Variants in SMOC1 observed in about 807,000 individuals in gnomAD.
SMOC1 encodes SPARC related modular calcium binding 1.
Under a neutral mutation model 56.3 loss-of-function variants are expected in SMOC1, and 22 were observed. That is an observed-to-expected ratio of 0.39 (90% CI 0.28 to 0.56). The LOEUF (loss-of-function observed/expected upper bound fraction) is 0.56, where lower values mean the gene tolerates loss of function less well. Among genes scored for constraint, SMOC1 ranks in the 20% least tolerant of loss-of-function variants. The pLI is 0.61. For missense variants in SMOC1, 509 were observed against 565.4 expected, an observed-to-expected ratio of 0.90 and a Z score of 1.01; for synonymous variants, 193 against 215.0, an observed-to-expected ratio of 0.90 and a Z score of 0.89.
At chr14:70,011,740 G>A (rs1478567389) in intron 9 of SMOC1, among the ~76,000 whole-genome samples, 173 bp downstream of exon 9, 1 of 152,202 alleles carries the variant, frequency 6.6e-6, no homozygotes, top group Non-Finnish European at 1.5e-5. Flanking sequence ...CTCTGCTCTT[G>A]TGCACATTGC....
At chr14:69,985,744 C>T (rs900459022) in intron 5 of SMOC1, among the ~76,000 whole-genome samples, 26 of 152,148 alleles carry the variant, frequency 1.7e-4, no homozygotes, top group Non-Finnish European at 2.9e-4. Context: ...TTGGGGCCAG[C>T]TCTGTTATCA....
At chr14:69,976,864 A>G (rs1883979192) in intron 4 of SMOC1, among the ~76,000 whole-genome samples, 1 of 152,222 alleles carries the variant, frequency 6.6e-6, no homozygotes, top group South Asian at 2.1e-4. Context: ...AGCTTTTTCT[A>G]CTTGCTCTGT....
chr14:69,936,278 G>T (rs1460997619), intron 1 of SMOC1, among the ~76,000 whole-genome samples: 2 of 152,190 alleles, frequency 1.3e-5, no homozygotes, highest in Admixed American at 1.3e-4. Flanking sequence ...CATCCCAACT[G>T]GTGAGATTCA....
chr14:69,960,000 A>T (rs1309293126), intron 3 of SMOC1, among the ~76,000 whole-genome samples: 1 of 151,820 alleles, frequency 6.6e-6, no homozygotes, highest in Non-Finnish European at 1.5e-5. Context: ...ACCCCTGTAG[A>T]CTCGAGTTGT....
At chr14:69,910,503 C>G (rs1884529636) in intron 1 of SMOC1, among the ~76,000 whole-genome samples, 1 of 152,152 alleles carries the variant, frequency 6.6e-6, no homozygotes, top group African/African-American at 2.4e-5. Context: ...ATGAAGCTGG[C>G]AAAGCCACTT....
chr14:69,936,902 A>G (rs1030738424), intron 1 of SMOC1, among the ~76,000 whole-genome samples: 1 of 152,184 alleles, frequency 6.6e-6, no homozygotes, highest in African/African-American at 2.4e-5. Flanking sequence ...TGGGAGGAAG[A>G]TTACTTACAT....
chr14:69,986,823 G>A (rs1884383543), intron 5 of SMOC1, among the ~76,000 whole-genome samples: 1 of 152,158 alleles, frequency 6.6e-6, no homozygotes, highest in African/African-American at 2.4e-5. Flanking sequence ...TTTTGGGAGG[G>A]AACATGCAGG....
chr14:69,885,671 A>G, intron 1 of SMOC1: 1 of 1,453,286 alleles, frequency 6.9e-7, no homozygotes, highest in Non-Finnish European at 9.6e-7. Context: ...GTCGTGTGAA[A>G]TCACCACCAG....
At chr14:69,943,060 G>A (rs1399592612) in intron 1 of SMOC1, among the ~76,000 whole-genome samples, 6 of 152,106 alleles carry the variant, frequency 3.9e-5, no homozygotes, top group East Asian at 1.9e-4. Context: ...TGAAGTGACT[G>A]CTAAATTCCT....
intron 1 of SMOC1, among the ~76,000 whole-genome samples, chr14:69,917,036 A>T (rs896099293): frequency 6.6e-6 from 1 of 152,258 alleles, no homozygotes; most frequent in Non-Finnish European, 1.5e-5. Flanking sequence ...AAACAGCAGG[A>T]CAACTCTTTT....
intron 5 of SMOC1, among the ~76,000 whole-genome samples, chr14:69,984,726 G>A (rs919496003): frequency 1.1e-4 from 17 of 151,520 alleles, no homozygotes; most frequent in African/African-American, 3.4e-4. Flanking sequence ...ATGGTGGCAC[G>A]TGCCTGTAAT....
At chr14:69,939,494 C>G (rs1225314414) in intron 1 of SMOC1, among the ~76,000 whole-genome samples, 4 of 152,186 alleles carry the variant, frequency 2.6e-5, no homozygotes, top group African/African-American at 9.6e-5. Flanking sequence ...AACCATGTCA[C>G]TAAGACATTT....
At chr14:69,955,394 T>C (rs1330239709) in intron 3 of SMOC1, among the ~76,000 whole-genome samples, 2 of 152,146 alleles carry the variant, frequency 1.3e-5, no homozygotes, top group Non-Finnish European at 2.9e-5. Context: ...AATTTCCTTA[T>C]CTGAAAAGTG....
intron 4 of SMOC1, among the ~76,000 whole-genome samples, chr14:69,976,590 T>C (rs111372389): frequency 1.3e-5 from 2 of 152,178 alleles, no homozygotes; most frequent in Non-Finnish European, 2.9e-5. Flanking sequence ...GTCCATTTCA[T>C]GGGATTGTGG....
intron 1 of SMOC1, among the ~76,000 whole-genome samples, chr14:69,924,536 C>A (rs1398577414): frequency 2.0e-5 from 3 of 151,904 alleles, no homozygotes; most frequent in African/African-American, 7.3e-5. Flanking sequence ...GAATAAAATT[C>A]AGACTCCTCA....
At chr14:69,994,874 G>A (rs543066807) in intron 7 of SMOC1, among the ~76,000 whole-genome samples, 1 of 152,296 alleles carries the variant, frequency 6.6e-6, no homozygotes, top group East Asian at 1.9e-4. Flanking sequence ...GTCTTCTCTG[G>A]TCTGATCTTT....
At chr14:70,005,540 T>C (rs535528953) in intron 7 of SMOC1, among the ~76,000 whole-genome samples, 5 of 152,352 alleles carry the variant, frequency 3.3e-5, no homozygotes, top group African/African-American at 1.2e-4. Context: ...CAGGGTTGTG[T>C]GCCTTCTGGT....
intron 1 of SMOC1, among the ~76,000 whole-genome samples, chr14:69,924,167 C>A (rs1025073096): frequency 6.6e-6 from 1 of 152,218 alleles, no homozygotes; most frequent in Non-Finnish European, 1.5e-5. Flanking sequence ...TCCGCATCAC[C>A]CATGCACTCA....
At chr14:69,890,772 T>C (rs1883939035) in intron 1 of SMOC1, among the ~76,000 whole-genome samples, 1 of 152,234 alleles carries the variant, frequency 6.6e-6, no homozygotes, top group Non-Finnish European at 1.5e-5. Flanking sequence ...CTGTAAAAAA[T>C]ATATTTATTG....
Sources: allele counts gnomAD v4.1 joint callset (sites outside exome capture counted in the v4.1 genomes callset), GRCh38; gene constraint gnomAD v4.1.1; transcripts MANE v1.5; gene names NCBI Gene and HGNC (gene_info 2026-07-23, HGNC 2026-07-21).